The following SYN3 variants were observed in gnomAD, a reference collection of about 807,000 sequenced individuals.
SYN3 encodes synapsin-3.
In SYN3, 35 loss-of-function variants were observed where a neutral mutation model predicts 65.8. That is an observed-to-expected ratio of 0.53 (90% CI 0.41 to 0.70). The LOEUF is 0.70. Ranked by LOEUF, SYN3 falls within the 30% of genes least tolerant of loss-of-function variation. SYN3 has a pLI of 0.00. For missense variants in SYN3, 680 were observed against 749.0 expected, an observed-to-expected ratio of 0.91 and a Z score of 1.08; for synonymous variants, 270 against 292.9, an observed-to-expected ratio of 0.92 and a Z score of 0.80.
chr22:33,004,203 C>T (rs1167544169), intron 2 of SYN3, among the ~76,000 whole-genome samples: 1 of 152,234 alleles, frequency 6.6e-6, no homozygotes, highest in African/African-American at 2.4e-5. Context: ...AGCCCCCACA[C>T]AGAGTCCCCA....
intron 6 of SYN3, among the ~76,000 whole-genome samples, chr22:32,720,327 C>T (rs927119265): frequency 2.0e-5 from 3 of 152,184 alleles, no homozygotes; most frequent in Non-Finnish European, 4.4e-5. Context: ...AAACACCTAC[C>T]CAGGGCTAGC....
At chr22:32,849,498 CT>C in intron 6 of SYN3, 1 of 1,613,714 alleles carries the variant, frequency 6.2e-7, no homozygotes, top group Non-Finnish European at 8.5e-7. Context: ...AGGAGGGGCC[CT>C]TCGGCACGCT....
intron 6 of SYN3, among the ~76,000 whole-genome samples, chr22:32,697,433 T>C (rs2060751497): frequency 6.6e-6 from 1 of 152,248 alleles, no homozygotes; most frequent in Non-Finnish European, 1.5e-5. Context: ...TGGGTTGTTA[T>C]GAGGATGAAC....
At chr22:32,849,417 T>G (rs147949965) in intron 6 of SYN3, 5 of 1,602,394 alleles carry the variant, frequency 3.1e-6, no homozygotes, top group Non-Finnish European at 4.3e-6. Flanking sequence ...GTTCAGGCCT[T>G]CCTAACCTCT....
intron 7 of SYN3, among the ~76,000 whole-genome samples, chr22:32,582,905 G>A (rs563065920): frequency 7.9e-5 from 12 of 152,242 alleles, no homozygotes; most frequent in African/African-American, 1.9e-4. Context: ...CTCCTCCATC[G>A]ACCTGCTGAG....
chr22:32,686,252 G>A (rs1048121391), intron 6 of SYN3, among the ~76,000 whole-genome samples: 7 of 152,162 alleles, frequency 4.6e-5, no homozygotes, highest in Non-Finnish European at 1.0e-4. Context: ...TGTGGGGCAT[G>A]TGGGTGAGTG....
At chr22:32,905,829 G>A (rs1372806383) in intron 4 of SYN3, among the ~76,000 whole-genome samples, 9 of 152,144 alleles carry the variant, frequency 5.9e-5, no homozygotes, top group African/African-American at 2.2e-4. Context: ...AGAGATACTG[G>A]CACCCCCTCT....
intron 8 of SYN3, 116 bp from the exon 9 acceptor site, chr22:32,538,226 G>A: frequency 1.2e-6 from 1 of 854,746 alleles, no homozygotes; most frequent in African/African-American, 1.6e-5. Flanking sequence ...TCACGTAATG[G>A]CATGTATTCT....
chr22:32,908,389 T>A (rs2049961395), intron 4 of SYN3, among the ~76,000 whole-genome samples: 1 of 126,930 alleles, frequency 7.9e-6, no homozygotes, highest in Admixed American at 8.1e-5. Context: ...CCTAGCCTTT[T>A]TTTTTTTTTT....
rs56310128 is a variant in SYN3, at chr22:32,764,190, G to A, written c.711+100725C>T. On this transcript the variant is annotated intron_variant, in intron 6 of 13. Transcript: ENST00000358763. ...ACTCCAGACCTCAGGTGATCCACCC[G>A]CCTCGGCCTCCCAAAGTGCTGAGAT... Among the ~76,000 whole-genome samples, 529 of 152,192 alleles carry A rather than the reference G, an allele frequency of 3.5e-3. 4 individuals are homozygous for A. The highest frequency in any genetic ancestry group is 5.0e-3 in the South Asian group (24 of 4,814).
chr22:32,909,569 C>T (rs571507237), intron 4 of SYN3, among the ~76,000 whole-genome samples: 1 of 152,268 alleles, frequency 6.6e-6, no homozygotes, highest in Non-Finnish European at 1.5e-5. Flanking sequence ...ACGTCTTCAT[C>T]CAGTTTTTAA....
intron 7 of SYN3, among the ~76,000 whole-genome samples, chr22:32,554,067 T>G (rs2105865): frequency 0.79 from 119,706 of 152,180 alleles, 47,709 homozygotes; most frequent in East Asian, 0.93. Flanking sequence ...ATGTCAGGCT[T>G]ATTTCCTCAA....
intron 6 of SYN3, among the ~76,000 whole-genome samples, chr22:32,664,784 G>T (rs915512855): frequency 2.0e-5 from 3 of 151,142 alleles, no homozygotes; most frequent in South Asian, 2.1e-4. Flanking sequence ...TAGAGACAGG[G>T]TTTCACTGTG....
At chr22:32,524,278 G>A (rs2057938524) in intron 12 of SYN3, among the ~76,000 whole-genome samples, 1 of 152,160 alleles carries the variant, frequency 6.6e-6, no homozygotes, top group African/African-American at 2.4e-5. Flanking sequence ...TACTATCTAG[G>A]GCTTTCATAG....
chr22:32,870,674 C>A (rs145954167), intron 4 of SYN3, among the ~76,000 whole-genome samples: 3 of 152,184 alleles, frequency 2.0e-5, no homozygotes, highest in Admixed American at 2.0e-4. Context: ...CTCACCAGCA[C>A]TGCAGTTTTT....
chr22:32,776,385 C>A (rs1040368202), intron 6 of SYN3, among the ~76,000 whole-genome samples: 4 of 152,192 alleles, frequency 2.6e-5, no homozygotes, highest in Non-Finnish European at 4.4e-5. Flanking sequence ...CAGAGTCACC[C>A]ATGAGGCAAT....
intron 6 of SYN3, among the ~76,000 whole-genome samples, chr22:32,695,307 G>A (rs2147174821): frequency 6.6e-6 from 1 of 152,172 alleles, no homozygotes; most frequent in African/African-American, 2.4e-5. Flanking sequence ...TTCTGCTGAT[G>A]CTAATTTTCT....
At chr22:32,726,836 A>G (rs990296050) in intron 6 of SYN3, among the ~76,000 whole-genome samples, 1 of 152,140 alleles carries the variant, frequency 6.6e-6, no homozygotes, top group African/African-American at 2.4e-5. Flanking sequence ...GTGGTTCCTC[A>G]GCCTCCATTC....
Position 32,801,954 on chromosome 22 carries a change from A to G in SYN3, c.711+62961T>C. 2 of 1,561,674 alleles carry G rather than the reference A, an allele frequency of 1.3e-6. No homozygotes were observed. The highest frequency in any genetic ancestry group is 1.2e-5 in the South Asian group (1 of 85,692). On this transcript the variant is annotated intron_variant, in intron 6 of 13. Coordinates refer to ENST00000358763, the MANE Select transcript of SYN3 (RefSeq NM_003490.4). The surrounding 1 kb of genome is among the most constrained non-coding windows in gnomAD (Gnocchi z 4.7). ...AGCCCCGCCGGCGGCGCGCACGGCA[A>G]CTTTGGAGAGGCGAGCAGCAGCCCC...
Sources: gnomAD v4.1 joint callset for allele counts (sites outside exome capture counted in the v4.1 genomes callset) on GRCh38, gnomAD v4.1.1 for gene constraint, Gnocchi (gnomAD v3.1) non-coding constraint, MANE v1.5 for transcripts, NCBI Gene and HGNC (gene_info 2026-07-23, HGNC 2026-07-21) for gene names.